The following SYNRG variants were observed in gnomAD, a reference collection of about 807,000 sequenced individuals.
SYNRG encodes the protein synergin gamma.
SYNRG carries 37 observed loss-of-function variants against 130.9 expected under a neutral mutation model. The observed-to-expected ratio is 0.28, with a 90% CI of 0.22 to 0.37. The LOEUF (loss-of-function observed/expected upper bound fraction) is 0.37. Ranked by LOEUF, SYNRG falls within the 10% of genes least tolerant of loss-of-function variation. The probability of loss-of-function intolerance (pLI) is 1.00; values close to 1 mark genes in which losing one functional copy is unlikely to be tolerated. For synonymous variants in SYNRG, 539 were observed against 568.1 expected (o/e 0.95, Z 0.73); for missense variants, 1,338 against 1,588.9 (o/e 0.84, Z 2.68).
chr17:37,553,714 A>G lies in SYNRG; in HGVS notation c.2009T>C (p.Phe670Ser), dbSNP rs767921565. Residue 670 changes from phenylalanine to serine, a missense_variant, in exon 14 of 22, where the codon TTT becomes TCT. By Grantham distance (155) the Phe-to-Ser change is radical (BLOSUM62 -2). Transcript: ENST00000612223. Reference sequence around the variant, plus strand: ...TTCCCCAAAAAGGCTGAATTCTCCAAAATCATCAGCCAAACTAGAAGTTTT... The same window carrying G: ...TTCCCCAAAAAGGCTGAATTCTCCAGAATCATCAGCCAAACTAGAAGTTTT... The part of the protein sequence containing the change: ...ATKTSSLADD[F>S]GEFSLFGEYS... The G allele has an allele frequency of 1.9e-6, 3 of 1,613,736 alleles. No homozygotes were observed. The highest frequency in any genetic ancestry group is 1.7e-5 in the Admixed American group (1 of 59,848).
chr17:37,527,452 G>A (rs534275669), intron 19 of SYNRG, among the ~76,000 whole-genome samples: 2 of 152,226 alleles, frequency 1.3e-5, no homozygotes, highest in South Asian at 2.1e-4. Flanking sequence ...ACCACAAGAG[G>A]GAGTCTTAGT....
At chr17:37,606,651 A>G (rs2063776059) in intron 1 of SYNRG, among the ~76,000 whole-genome samples, 1 of 152,284 alleles carries the variant, frequency 6.6e-6, no homozygotes, top group South Asian at 2.1e-4. Flanking sequence ...GCCTTGATTA[A>G]AGAAAAAAAA....
chr17:37,607,977 A>AAAAAAAC (rs1555802869), intron 1 of SYNRG, among the ~76,000 whole-genome samples: 55 of 121,546 alleles, frequency 4.5e-4, no homozygotes, highest in Non-Finnish European at 6.1e-4. Context: ...AAAAAAAAAA[A>AAAAAAAC]AAACAAGACA....
At position 37,576,190 on chromosome 17, in the gene SYNRG, T is replaced by G. The variant is rs113449867; in HGVS notation, c.901+151A>C. On this transcript the variant is annotated intron_variant, in intron 8 of 21. Transcript: ENST00000612223. ...GAGGCAGTCTTATGAAACACGACAT[T>G]TATTTAATTTCTGTACTCTTTCAGA... 4.6e-3 allele frequency: 3,083 copies of G among 664,908 alleles called. 24 individuals are homozygous for G. In the Middle Eastern group the frequency reaches 0.048, roughly 10 times the overall value. The allele number at this position is 664,908 out of a possible 1,614,324, so 41.2% of individuals were successfully genotyped here.
rs2060469279 is a variant in SYNRG at position 37,571,991 on chromosome 17, T to C, written c.902-4A>G. On this transcript the variant is annotated splice_polypyrimidine_tract_variant and splice_region_variant and intron_variant, in intron 8 of 21. Coordinates refer to ENST00000612223, the MANE Select transcript of SYNRG (RefSeq NM_007247.6). Reference sequence around the variant, plus strand: ...TCTAAGATTTTCTTATAGGCATCTATTAAAGGAAAGACCAGATTACAAATG... The same window carrying C: ...TCTAAGATTTTCTTATAGGCATCTACTAAAGGAAAGACCAGATTACAAATG... 3 of 1,607,042 alleles carry C rather than the reference T, an allele frequency of 1.9e-6. No homozygotes were observed. The highest frequency in any genetic ancestry group is 2.5e-6 in the Non-Finnish European group (3 of 1,177,314).
At chr17:37,561,663 A>T (rs2145678641) in intron 11 of SYNRG, 74 bp from the exon 12 acceptor site, 2 of 1,099,846 alleles carry the variant, frequency 1.8e-6, no homozygotes, top group East Asian at 4.8e-5. Flanking sequence ...TTAGAATTAA[A>T]ATGGCAAACA....
In SYNRG at chr17:37,607,955, CAAAAA is replaced by C. The variant is rs67822733; in HGVS notation, c.77+1319_77+1323del. Among the ~76,000 whole-genome samples the C allele has an allele frequency of 1.2e-4, 6 of 51,126 alleles. No individual in the cohort carries two copies. The South Asian group carries it at 3.3e-3, about 28-fold the overall frequency. The allele number at this position is 51,126 out of a possible 152,430, so 33.5% of individuals were successfully genotyped here. A position where few individuals can be genotyped will look rare whatever the true frequency, so the allele number is the denominator to read the frequency against. ...TGGGCAACAGAGCAAGACTTCCTCT[CAAAAA>C]AAAAAAAAAAAAAAAAAAAACAAGA... On this transcript the variant is annotated intron_variant, in intron 1 of 21. Transcript: ENST00000612223.
intron 19 of SYNRG, among the ~76,000 whole-genome samples, chr17:37,528,477 A>G (rs1292646321): frequency 6.6e-6 from 1 of 152,222 alleles, no homozygotes. Context: ...TAATAGTAAT[A>G]GTAATAGTAG....
At position 37,609,315 on chromosome 17, in the gene SYNRG, G is replaced by T; in HGVS notation, c.41C>A (p.Ala14Asp). 7 of 1,464,416 alleles carry T rather than the reference G, an allele frequency of 4.8e-6. No homozygotes were observed. Among genetic ancestry groups the T allele is most frequent in the Non-Finnish European group, 6.3e-6 (7 of 1,114,230 alleles). The allele number at this position is 1,464,416 out of a possible 1,614,324, so 90.7% of individuals were successfully genotyped here. ...RPGAGSGGGGAAGAGAGSAGG... is the reference protein window; with the variant it reads ...RPGAGSGGGGDAGAGAGSAGG... The stretch of plus-strand genomic sequence containing the variant: ...GGCGGACCCCGCGCCAGCTCCCGCG[G>T]CCCCGCCGCCACCAGAACCAGCTCC... The change falls in exon 1 of 22, where the codon GCC (alanine) becomes GAC (aspartate). Residue 14 changes from alanine (A) to aspartate (D), a missense_variant. Transcript: ENST00000612223.
chr17:37,542,222 G>A lies in SYNRG; in HGVS notation c.2952C>T (p.Asp984=). 1 of 1,614,184 alleles carries A rather than the reference G, an allele frequency of 6.2e-7. No individual in the cohort carries two copies. ...TSEQKEYENR[D]YKDFTKQDLP... Reference sequence around the variant, plus strand: ...GGTCCTGTTTTGTGAAATCTTTATAGTCTCTGTTTTCATATTCCTTTTGCT... The same window carrying A: ...GGTCCTGTTTTGTGAAATCTTTATAATCTCTGTTTTCATATTCCTTTTGCT... Residue 984 remains aspartate (D), a synonymous_variant, in exon 15 of 22, where the codon GAC becomes GAT. Coordinates refer to ENST00000612223, the MANE Select transcript of SYNRG (RefSeq NM_007247.6).
intron 14 of SYNRG, among the ~76,000 whole-genome samples, chr17:37,545,214 C>T (rs1321686227): frequency 6.7e-6 from 1 of 149,476 alleles, no homozygotes; most frequent in Non-Finnish European, 1.5e-5. Context: ...AGCGAAACTC[C>T]GTCTCAAAAA....
intron 19 of SYNRG, among the ~76,000 whole-genome samples, chr17:37,523,155 T>C (rs1393198401): frequency 2.6e-5 from 4 of 152,134 alleles, no homozygotes; most frequent in African/African-American, 9.7e-5. Flanking sequence ...GTTTATATCA[T>C]TTGTGTTTTG....
chr17:37,565,677 G>A (rs2059893970), intron 11 of SYNRG, among the ~76,000 whole-genome samples: 2 of 150,022 alleles, frequency 1.3e-5, no homozygotes, highest in African/African-American at 4.9e-5. Context: ...TGAGATGTGG[G>A]GAGCGCCTCT....
At chr17:37,535,919 T>C in intron 19 of SYNRG, 60 bp downstream of exon 19, 3 of 1,602,834 alleles carry the variant, frequency 1.9e-6, no homozygotes, top group African/African-American at 2.7e-5. Flanking sequence ...ATATACACTC[T>C]GCTTTACAAC....
At chr17:37,526,106 CTGGG>C (rs1772808185) in intron 19 of SYNRG, among the ~76,000 whole-genome samples, 1 of 151,924 alleles carries the variant, frequency 6.6e-6, no homozygotes, top group South Asian at 2.1e-4. Context: ...GCACTCCAGC[CTGGG>C]CAACAGAGGA....
At chr17:37,520,297 C>T in intron 20 of SYNRG, 83 bp from the exon 21 acceptor site, 1 of 1,578,928 alleles carries the variant, frequency 6.3e-7, no homozygotes, top group Non-Finnish European at 8.7e-7. Flanking sequence ...CAGGTTCACC[C>T]TTTTCCCCTG....
intron 3 of SYNRG, among the ~76,000 whole-genome samples, chr17:37,591,492 C>G (rs2062185169): frequency 6.6e-6 from 1 of 152,206 alleles, no homozygotes; most frequent in African/African-American, 2.4e-5. Context: ...TATGGAAAGA[C>G]AGAGGAACCA....
chr17:37,570,374 A>G (rs989035599), intron 10 of SYNRG, among the ~76,000 whole-genome samples: 2 of 152,066 alleles, frequency 1.3e-5, no homozygotes, highest in African/African-American at 4.8e-5. Flanking sequence ...GGCTGTACCA[A>G]TAAGCCTAGA....
intron 19 of SYNRG, among the ~76,000 whole-genome samples, chr17:37,522,446 C>T (rs1036602801): frequency 6.6e-6 from 1 of 151,872 alleles, no homozygotes; most frequent in Non-Finnish European, 1.5e-5. Context: ...GCCACTGTGC[C>T]CGGCCCCGCA....
Sources: gnomAD v4.1 joint callset for allele counts (sites outside exome capture counted in the v4.1 genomes callset) on GRCh38, gnomAD v4.1.1 for gene constraint, MANE v1.5 for transcripts, NCBI Gene and HGNC (gene_info 2026-07-23, HGNC 2026-07-21) for gene names.